Variants in DPYSL3 observed in about 807,000 individuals in gnomAD.
DPYSL3 encodes dihydropyrimidinase like 3.
A neutral mutation model predicts 66.1 loss-of-function variants in DPYSL3; 16 were observed. The observed-to-expected ratio is 0.24, with a 90% CI of 0.16 to 0.37. DPYSL3 has a LOEUF of 0.37. DPYSL3 is among the 10% of genes least tolerant of loss of function. DPYSL3 has a pLI of 1.00. For missense variants in DPYSL3, 738 were observed against 916.2 expected, an observed-to-expected ratio of 0.81 and a Z score of 2.51; for synonymous variants, 338 against 345.1, an observed-to-expected ratio of 0.98 and a Z score of 0.23.
At chr5:147,455,543 G>C (rs1022526134) in intron 1 of DPYSL3, among the ~76,000 whole-genome samples, 1 of 152,194 alleles carries the variant, frequency 6.6e-6, no homozygotes, top group South Asian at 2.1e-4. Context: ...CTAGCCAAGA[G>C]TTGTGAAATT....
chr5:147,398,476 T>C (rs1012377889), intron 11 of DPYSL3, among the ~76,000 whole-genome samples: 2 of 152,234 alleles, frequency 1.3e-5, no homozygotes, highest in Admixed American at 6.5e-5. Context: ...AAGACTACTA[T>C]GGAAATCCAG....
chr5:147,442,038 T>C (rs1258602147), intron 1 of DPYSL3, among the ~76,000 whole-genome samples: 1 of 152,210 alleles, frequency 6.6e-6, no homozygotes, highest in African/African-American at 2.4e-5. Context: ...AACCCCACTA[T>C]GAATTTATCA....
intron 1 of DPYSL3, among the ~76,000 whole-genome samples, chr5:147,482,977 A>G (rs1320381115): frequency 6.6e-6 from 1 of 152,206 alleles, no homozygotes; most frequent in Non-Finnish European, 1.5e-5. Context: ...AGAACTCACT[A>G]TCATGAGAGC....
chr5:147,508,855 C>T (rs764466168), intron 1 of DPYSL3, among the ~76,000 whole-genome samples: 62 of 152,318 alleles, frequency 4.1e-4, no homozygotes, highest in South Asian at 3.1e-3. Context: ...CACAAATACA[C>T]TCTTTACAAA....
At chr5:147,407,578 G>C (rs1450712221) in intron 7 of DPYSL3, among the ~76,000 whole-genome samples, 3 of 152,052 alleles carry the variant, frequency 2.0e-5, no homozygotes, top group African/African-American at 7.2e-5. Context: ...GATCAGCCAG[G>C]GGCTTAACCT....
At chr5:147,478,833 C>G (rs1462884502) in intron 1 of DPYSL3, among the ~76,000 whole-genome samples, 5 of 152,236 alleles carry the variant, frequency 3.3e-5, no homozygotes, top group Non-Finnish European at 7.4e-5. Flanking sequence ...ACTGTACTGC[C>G]TATCATACTG....
intron 1 of DPYSL3, among the ~76,000 whole-genome samples, chr5:147,448,432 T>C (rs1752669034): frequency 6.6e-6 from 1 of 152,246 alleles, no homozygotes; most frequent in Non-Finnish European, 1.5e-5. Flanking sequence ...TATAACGCTG[T>C]TTATTTTTGT....
intron 1 of DPYSL3, among the ~76,000 whole-genome samples, chr5:147,499,692 TA>T (rs1485193714): frequency 1.3e-5 from 2 of 152,180 alleles, no homozygotes; most frequent in East Asian, 1.9e-4. Flanking sequence ...GTTTTGTTGA[TA>T]TCAACAAACT....
At chr5:147,503,113 G>A (rs1316827499) in intron 1 of DPYSL3, among the ~76,000 whole-genome samples, 3 of 152,086 alleles carry the variant, frequency 2.0e-5, no homozygotes, top group Non-Finnish European at 4.4e-5. Context: ...TCTGACAATG[G>A]ACTCATTAAT....
At chr5:147,450,669 T>C (rs78421428) in intron 1 of DPYSL3, among the ~76,000 whole-genome samples, 403 of 152,074 alleles carry the variant, frequency 2.7e-3, no homozygotes, top group African/African-American at 7.9e-3. Flanking sequence ...AATGCCTTAA[T>C]CTCAGGAGGG....
At chr5:147,467,883 T>C (rs1440226639) in intron 1 of DPYSL3, among the ~76,000 whole-genome samples, 1 of 152,200 alleles carries the variant, frequency 6.6e-6, no homozygotes, top group Non-Finnish European at 1.5e-5. Flanking sequence ...GAGTGGCCTA[T>C]TCCTCCTGGA....
chr5:147,401,512 G>A (rs370077721), intron 9 of DPYSL3, 28 bp downstream of exon 9: 31 of 1,589,468 alleles, frequency 2.0e-5, no homozygotes, highest in South Asian at 1.5e-4. Flanking sequence ...TTCACAAAAC[G>A]CCTGCTGCTG....
Position 147,458,711 on chromosome 5 carries a change from C to T in DPYSL3, c.382-33748G>A, listed in dbSNP as rs139395542. Among the ~76,000 whole-genome samples the T allele has an allele frequency of 8.0e-3, 1,217 of 152,208 alleles. 12 individuals carry two copies. Among genetic ancestry groups the T allele is most frequent in the African/African-American group, 0.028 (1,146 of 41,514 alleles). On this transcript the variant is annotated intron_variant, in intron 1 of 13. Transcript: ENST00000343218. ...GCCTGGTTGTGGATGTTCCTCCAGC[C>T]ACTTACAGTAGCATATGTGCAGGCA...
At chr5:147,431,336 T>G (rs999691226) in intron 1 of DPYSL3, among the ~76,000 whole-genome samples, 3 of 152,130 alleles carry the variant, frequency 2.0e-5, no homozygotes, top group African/African-American at 7.2e-5. Flanking sequence ...GGGTGAGACA[T>G]GCAGACATGA....
intron 1 of DPYSL3, among the ~76,000 whole-genome samples, chr5:147,441,868 G>A (rs1367542074): frequency 6.6e-6 from 1 of 152,156 alleles, no homozygotes; most frequent in East Asian, 1.9e-4. Context: ...TAAGTGAAAT[G>A]AAAAGGAAAC....
chr5:147,471,109 T>A (rs760242017), intron 1 of DPYSL3, among the ~76,000 whole-genome samples: 25 of 152,150 alleles, frequency 1.6e-4, no homozygotes, highest in Non-Finnish European at 3.5e-4. Context: ...CATACATGCA[T>A]GCATACATAC....
rs1561794300 is a variant in DPYSL3 at position 147,453,647 on chromosome 5, C to A, written c.382-28684G>T. On this transcript the variant is annotated intron_variant, in intron 1 of 13. Coordinates refer to ENST00000343218, the MANE Select transcript of DPYSL3 (RefSeq NM_001197294.2). ...CCTCCTTCTTCTGCTCCGGCTCGCC[C>A]GCGCCTTCCTCAGCGCACAGCGCCC... 2.0e-6 allele frequency: 3 copies of A among 1,504,910 alleles called. No individual in the cohort carries two copies. The Admixed American group carries it at 6.4e-5, about 32-fold the overall frequency. 93.2% of individuals were successfully genotyped at this position (1,504,910 alleles called of 1,614,324 possible).
chr5:147,448,834 C>T (rs1752675459), intron 1 of DPYSL3, among the ~76,000 whole-genome samples: 2 of 152,186 alleles, frequency 1.3e-5, no homozygotes, highest in Admixed American at 6.5e-5. Context: ...AATAACCTGG[C>T]TAAGAATCAG....
In DPYSL3 at chr5:147,509,540, C is replaced by G. The variant is rs907987153; in HGVS notation, c.319G>C (p.Gly107Arg). ...EPAPASPAPA[G>R]VEIRSATGKE... ...CCGGTGGCGCTCCGGATCTCTACCC[C>G]GGCGGGGGCGGGGGAGGCGGGCGCG... Residue 107 changes from glycine to arginine, a missense_variant, in exon 1 of 14, where the codon GGG becomes CGG. Gly to Arg is a moderately radical substitution (Grantham distance 125). Transcript: ENST00000343218. The surrounding 1 kb of genome is among the most constrained non-coding windows in gnomAD (Gnocchi z 5.3). 1.3e-6 allele frequency: 2 copies of G among 1,534,738 alleles called. No homozygotes were observed. The highest frequency in any genetic ancestry group is 4.9e-5 in the East Asian group (2 of 40,862).
Sources: gnomAD v4.1 joint callset for allele counts (sites outside exome capture counted in the v4.1 genomes callset) on GRCh38, gnomAD v4.1.1 for gene constraint, Gnocchi (gnomAD v3.1) non-coding constraint, MANE v1.5 for transcripts, NCBI Gene and HGNC (gene_info 2026-07-23, HGNC 2026-07-21) for gene names.